RAPGEF2: variants seen among roughly 807,000 people sequenced by gnomAD.
The protein encoded by RAPGEF2 is Rap guanine nucleotide exchange factor 2.
RAPGEF2 carries 54 observed loss-of-function variants against 186.7 expected under a neutral mutation model. That is an observed-to-expected ratio of 0.29 (90% CI 0.23 to 0.36). The LOEUF (loss-of-function observed/expected upper bound fraction) is 0.36. Ranked by LOEUF, RAPGEF2 falls within the 10% of genes least tolerant of loss-of-function variation. The probability of loss-of-function intolerance (pLI) is 1.00; values close to 1 mark genes in which losing one functional copy is unlikely to be tolerated. For missense variants in RAPGEF2, 1,532 were observed against 2,045.0 expected, an observed-to-expected ratio of 0.75 and a Z score of 4.84; for synonymous variants, 712 against 705.9, an observed-to-expected ratio of 1.01 and a Z score of -0.14.
intron 17 of RAPGEF2, among the ~76,000 whole-genome samples, chr4:159,333,564 G>T (rs1210091858): frequency 6.6e-6 from 1 of 152,142 alleles, no homozygotes; most frequent in African/African-American, 2.4e-5. Flanking sequence ...AGAATGTCAG[G>T]TGTATTCTTG....
At chr4:159,123,769 C>T (rs915075785) in intron 1 of RAPGEF2, among the ~76,000 whole-genome samples, 11 of 152,006 alleles carry the variant, frequency 7.2e-5, no homozygotes, top group African/African-American at 2.7e-4. Flanking sequence ...CTACCTGCCT[C>T]GACCTCCCAA....
At position 159,331,423 on chromosome 4, in the gene RAPGEF2, C is replaced by T; in HGVS notation, c.1468-8C>T. ...AAGGAAACTTATTGAAAATAATTGACTTTTCAGGTTACACGGGTAGTATTA... is the reference window on the plus strand; with the variant it reads ...AAGGAAACTTATTGAAAATAATTGATTTTTCAGGTTACACGGGTAGTATTA... On this transcript the variant is annotated splice_polypyrimidine_tract_variant and splice_region_variant and intron_variant, in intron 13 of 29. Coordinates refer to ENST00000691494, the MANE Select transcript of RAPGEF2 (RefSeq NM_001394067.2). 1 of 1,538,546 alleles carries T rather than the reference C, an allele frequency of 6.5e-7. No homozygotes were observed. The highest frequency in any genetic ancestry group is 8.9e-7 in the Non-Finnish European group (1 of 1,129,686).
intron 23 of RAPGEF2, among the ~76,000 whole-genome samples, 163 bp downstream of exon 23, chr4:159,344,222 C>T (rs1580024406): frequency 6.6e-6 from 1 of 152,292 alleles, no homozygotes; most frequent in South Asian, 2.1e-4. Context: ...CAAGTTTAAT[C>T]TGTTGGGGCT....
chr4:159,312,624 C>G (rs764579720), intron 8 of RAPGEF2, among the ~76,000 whole-genome samples: 1 of 152,158 alleles, frequency 6.6e-6, no homozygotes, highest in African/African-American at 2.4e-5. Context: ...TTATAATGAC[C>G]AGGCCATTGA....
chr4:159,152,539 A>T (rs1292171028), intron 1 of RAPGEF2, among the ~76,000 whole-genome samples: 1 of 152,216 alleles, frequency 6.6e-6, no homozygotes, highest in African/African-American at 2.4e-5. Flanking sequence ...ATAATTTTAG[A>T]TTACAGAAAA....
Position 159,171,030 on chromosome 4 carries a change from A to T in RAPGEF2, c.70-15612A>T, listed in dbSNP as rs1461102120. ...ACTGTAAATGGTGGATTTATTTCTG[A>T]TCTCTCTGTTCTGTTACCCTGTCTA... On this transcript the variant is annotated intron_variant, in intron 1 of 29. Transcript: ENST00000691494. Among the ~76,000 whole-genome samples the T allele has an allele frequency of 5.9e-5, 9 of 152,160 alleles. No individual in the cohort carries two copies. In the East Asian group the frequency reaches 1.7e-3, roughly 29 times the overall value.
At chr4:159,125,501 G>T (rs1389294839) in intron 1 of RAPGEF2, among the ~76,000 whole-genome samples, 5 of 152,138 alleles carry the variant, frequency 3.3e-5, no homozygotes, top group Admixed American at 3.3e-4. Flanking sequence ...GCTCACACCT[G>T]TAATCGTAGC....
chr4:159,255,399 T>G (rs1756035249), intron 7 of RAPGEF2, among the ~76,000 whole-genome samples: 1 of 152,162 alleles, frequency 6.6e-6, no homozygotes, highest in Non-Finnish European at 1.5e-5. Context: ...CCTTCAGTCT[T>G]TTTCTGTCTC....
chr4:159,325,177 T>C (rs1449136496), intron 11 of RAPGEF2, among the ~76,000 whole-genome samples: 1 of 151,360 alleles, frequency 6.6e-6, no homozygotes, highest in Admixed American at 6.6e-5. Context: ...ATGAGCACCA[T>C]AGAGGAAAAA....
At position 159,338,382 on chromosome 4, in the gene RAPGEF2, C is replaced by A. The variant is rs765776050; in HGVS notation, c.2207C>A (p.Ala736Glu). 3.7e-6 allele frequency: 6 copies of A among 1,614,060 alleles called. No individual in the cohort carries two copies. Among genetic ancestry groups the A allele is most frequent in the Non-Finnish European group, 5.1e-6 (6 of 1,179,876 alleles). ...GLRQTKHIPT[A>E]LPVSGTLSSS... ...AGGCAGACAAAGCACATCCCAACTG[C>A]ATTGCCTGTCAGTGGAACCTTATCA... Residue 736 changes from alanine (A) to glutamate (E), a missense_variant, in exon 18 of 30, where the codon GCA becomes GAA. By Grantham distance (107) the Ala-to-Glu change is moderately radical. Transcript: ENST00000691494.
Position 159,358,262 on chromosome 4 carries a change from C to A in RAPGEF2, c.*123C>A. 3 of 914,338 alleles carry A rather than the reference C, an allele frequency of 3.3e-6. No individual in the cohort carries two copies. Among genetic ancestry groups the A allele is most frequent in the South Asian group, 1.7e-5 (1 of 57,972 alleles). The allele number at this position is 914,338 out of a possible 1,614,324, so 56.6% of individuals were successfully genotyped here. A position where few individuals can be genotyped will look rare whatever the true frequency, so the allele number is the denominator to read the frequency against. ...GTGGACCAGTTTGCCTCCTTCCCTG[C>A]CTTAAAAGCAGCATGGGGCTTCTTC... On this transcript the variant is annotated 3_prime_UTR_variant, in exon 30 of 30. Coordinates refer to ENST00000691494, the MANE Select transcript of RAPGEF2 (RefSeq NM_001394067.2).
At chr4:159,246,855 A>G (rs549909170) in intron 7 of RAPGEF2, among the ~76,000 whole-genome samples, 1 of 152,282 alleles carries the variant, frequency 6.6e-6, no homozygotes, top group South Asian at 2.1e-4. Context: ...ATACATCAAT[A>G]ACTTGTATAG....
At position 159,211,907 on chromosome 4, in the gene RAPGEF2, A is replaced by G. The variant is rs189911572; in HGVS notation, c.281+1324A>G. 3.3e-5 allele frequency among the ~76,000 whole-genome samples: 5 copies of G among 152,202 alleles called. No homozygotes were observed. The East Asian group carries it at 7.7e-4, about 23-fold the overall frequency. The stretch of plus-strand genomic sequence containing the variant: ...TGATGCTAGCATTGGTGGTGGTGGT[A>G]GTAGTAGTAGTAAAGATAGTAATAA... On this transcript the variant is annotated intron_variant, in intron 4 of 29. Coordinates refer to ENST00000691494, the MANE Select transcript of RAPGEF2 (RefSeq NM_001394067.2).
chr4:159,304,620 T>C, intron 8 of RAPGEF2, 147 bp downstream of exon 8: 1 of 738,176 alleles, frequency 1.4e-6, no homozygotes, highest in Non-Finnish European at 2.0e-6. Context: ...TTATTTCGTA[T>C]ATGTTATTTT....
intron 8 of RAPGEF2, among the ~76,000 whole-genome samples, chr4:159,313,702 AAC>A (rs761177865): frequency 1.3e-4 from 20 of 152,186 alleles, no homozygotes; most frequent in Non-Finnish European, 2.6e-4. Flanking sequence ...CATTTGGAAA[AAC>A]ACTTCTGTTC....
intron 26 of RAPGEF2, 179 bp from the exon 27 acceptor site, chr4:159,352,506 C>T: frequency 5.2e-6 from 3 of 573,216 alleles, no homozygotes; most frequent in Non-Finnish European, 9.3e-6. Flanking sequence ...ACAACTTAAG[C>T]TTCATTAGAA....
At chr4:159,241,143 A>C in intron 5 of RAPGEF2, 58 bp from the exon 6 acceptor site, 1 of 1,295,028 alleles carries the variant, frequency 7.7e-7, no homozygotes, top group Non-Finnish European at 1.0e-6. Context: ...TTCTGTATCT[A>C]ATATTAATAG....
At chr4:159,145,103 A>G (rs1243921303) in intron 1 of RAPGEF2, among the ~76,000 whole-genome samples, 5 of 149,034 alleles carry the variant, frequency 3.4e-5, no homozygotes, top group Admixed American at 3.3e-4. Flanking sequence ...CTGGTCTCGA[A>G]CTCCTAGGCT....
chr4:159,147,027 G>C (rs1442803640), intron 1 of RAPGEF2, among the ~76,000 whole-genome samples: 5 of 152,162 alleles, frequency 3.3e-5, no homozygotes, highest in African/African-American at 1.2e-4. Context: ...TGAGCTCCTG[G>C]CATCAAGCGT....
Sources: allele counts gnomAD v4.1 joint callset (sites outside exome capture counted in the v4.1 genomes callset), GRCh38; gene constraint gnomAD v4.1.1; transcripts MANE v1.5; gene names NCBI Gene and HGNC (gene_info 2026-07-23, HGNC 2026-07-21).